The following SF3A3 variants were observed in gnomAD, a reference collection of about 807,000 sequenced individuals.
SF3A3 encodes the protein SAP 61.
Under a neutral mutation model 85.8 loss-of-function variants are expected in SF3A3, and 9 were observed. The ratio of observed to expected loss-of-function variants is 0.10; its 90% confidence interval spans 0.06 to 0.18. The LOEUF (loss-of-function observed/expected upper bound fraction) is 0.18. Ranked by LOEUF, SF3A3 falls within the 10% of genes least tolerant of loss-of-function variation. The probability of loss-of-function intolerance (pLI) is 1.00; values close to 1 mark genes in which losing one functional copy is unlikely to be tolerated. For missense variants in SF3A3, 306 were observed against 593.3 expected (o/e 0.52, Z 5.03); for synonymous variants, 195 against 204.4 (o/e 0.95, Z 0.39).
chr1:37,987,941 A>G, intron 2 of SF3A3, 105 bp from the exon 3 acceptor site: 1 of 872,626 alleles, frequency 1.1e-6, no homozygotes, highest in Non-Finnish European at 2.0e-6. Context: ...ACCTCAAGAG[A>G]CATGGATATG....
At position 37,969,857 on chromosome 1, in the gene SF3A3, A is replaced by G. The variant is rs549624061; in HGVS notation, c.1006-122T>C. ...CCAAGGATAAGGTTCTTTCTTACAGAATAAAGGAAAATCTTGCCTTCATAT... is the reference window on the plus strand; with the variant it reads ...CCAAGGATAAGGTTCTTTCTTACAGGATAAAGGAAAATCTTGCCTTCATAT... On this transcript the variant is annotated intron_variant, in intron 12 of 16. Coordinates refer to ENST00000373019, the MANE Select transcript of SF3A3 (RefSeq NM_006802.4). The G allele has an allele frequency of 5.7e-6, 6 of 1,061,318 alleles. No homozygotes were observed. In the African/African-American group the frequency reaches 9.6e-5, roughly 17 times the overall value. The allele number at this position is 1,061,318 out of a possible 1,614,324, so 65.7% of individuals were successfully genotyped here.
intron 15 of SF3A3, among the ~76,000 whole-genome samples, chr1:37,964,463 C>A (rs1029049040): frequency 3.3e-5 from 5 of 151,576 alleles, no homozygotes; most frequent in African/African-American, 1.2e-4. Flanking sequence ...AAAAATTAGC[C>A]AGGCGTGGTG....
intron 12 of SF3A3, among the ~76,000 whole-genome samples, chr1:37,973,931 G>A (rs1200226429): frequency 6.6e-6 from 1 of 152,170 alleles, no homozygotes; most frequent in African/African-American, 2.4e-5. Flanking sequence ...GTCCTTTGTA[G>A]GGACATGGAT....
intron 9 of SF3A3, 87 bp downstream of exon 9, chr1:37,979,378 A>G: frequency 9.6e-7 from 1 of 1,043,274 alleles, no homozygotes; most frequent in Non-Finnish European, 1.4e-6. Flanking sequence ...TTATCACAAC[A>G]CAACCATGGT....
chr1:37,983,618 T>C (rs1010282229), intron 6 of SF3A3, among the ~76,000 whole-genome samples: 4 of 84,254 alleles, frequency 4.7e-5, no homozygotes, highest in African/African-American at 5.1e-5. Flanking sequence ...AGATTTATTT[T>C]GGCAAAGGTA....
At position 37,984,773 on chromosome 1, in the gene SF3A3, C is replaced by T; in HGVS notation, c.310G>A (p.Val104Met). 1 of 1,613,600 alleles carries T rather than the reference C, an allele frequency of 6.2e-7. No individual in the cohort carries two copies. Among genetic ancestry groups the T allele is most frequent in the Non-Finnish European group, 8.5e-7 (1 of 1,179,508 alleles). Residue 104 changes from valine to methionine, a missense_variant, in exon 5 of 17, where the codon GTG (valine) becomes ATG (methionine). Transcript: ENST00000373019. ...FHRKHPNEIC[V>M]PMSVEFEELL... The stretch of plus-strand genomic sequence containing the variant: ...TCCTCAAATTCCACTGACATTGGCA[C>T]ACAGATCTGAGGGGAAAAGTAAAAG...
intron 7 of SF3A3, 28 bp downstream of exon 7, chr1:37,981,701 G>A (rs757602709): frequency 7.0e-6 from 9 of 1,293,766 alleles, no homozygotes; most frequent in Non-Finnish European, 8.9e-6. Context: ...TCAAATCCAG[G>A]AGAGGCCTAG....
intron 2 of SF3A3, 85 bp from the exon 3 acceptor site, chr1:37,987,921 G>T: frequency 9.1e-7 from 1 of 1,093,478 alleles, no homozygotes; most frequent in Non-Finnish European, 1.4e-6. Flanking sequence ...TCCAGTCAAA[G>T]CCCAGGGCAA....
At chr1:37,978,599 T>C (rs750316107) in intron 11 of SF3A3, 121 bp downstream of exon 11, 34 of 630,852 alleles carry the variant, frequency 5.4e-5, no homozygotes, top group Non-Finnish European at 7.9e-5. Context: ...AAGAGCAGAC[T>C]GGATCTCTGT....
chr1:37,977,063 G>A, intron 11 of SF3A3, 110 bp from the exon 12 acceptor site: 2 of 762,540 alleles, frequency 2.6e-6, no homozygotes, highest in Non-Finnish European at 2.3e-6. Flanking sequence ...ATAAGCACAT[G>A]AGAAATACGA....
intron 12 of SF3A3, among the ~76,000 whole-genome samples, chr1:37,974,274 T>C (rs1646364033): frequency 6.6e-6 from 1 of 150,430 alleles, no homozygotes. Context: ...GACTTTCTTC[T>C]CCTTTCCTCA....
At chr1:37,965,579 C>T (rs1036059758) in intron 15 of SF3A3, among the ~76,000 whole-genome samples, 2 of 151,998 alleles carry the variant, frequency 1.3e-5, no homozygotes, top group African/African-American at 2.4e-5. Flanking sequence ...CATGGTGACA[C>T]ACCATCTTTA....
intron 15 of SF3A3, among the ~76,000 whole-genome samples, chr1:37,964,913 C>A (rs919606799): frequency 6.6e-6 from 1 of 152,096 alleles, no homozygotes; most frequent in Non-Finnish European, 1.5e-5. Context: ...AATCCTAGCA[C>A]TTTGGGAGGC....
At chr1:37,983,568 C>G (rs1646434727) in intron 6 of SF3A3, among the ~76,000 whole-genome samples, 1 of 66,960 alleles carries the variant, frequency 1.5e-5, no homozygotes, top group Non-Finnish European at 2.5e-5. Flanking sequence ...GCCTGGGTGA[C>G]AAAGTGAGAC....
intron 15 of SF3A3, among the ~76,000 whole-genome samples, chr1:37,963,757 T>C (rs1235510646): frequency 6.7e-6 from 1 of 149,792 alleles, no homozygotes; most frequent in Non-Finnish European, 1.5e-5. Flanking sequence ...GGGGTTTCAC[T>C]GTGTGAGCTA....
intron 3 of SF3A3, 34 bp downstream of exon 3, chr1:37,987,750 A>C (rs766107731): frequency 1.2e-6 from 2 of 1,606,702 alleles, no homozygotes; most frequent in South Asian, 2.2e-5. Flanking sequence ...CCTCAGAAGC[A>C]CTAACTCCTG....
intron 14 of SF3A3, among the ~76,000 whole-genome samples, chr1:37,968,944 T>C (rs982544329): frequency 6.6e-6 from 1 of 152,192 alleles, no homozygotes; most frequent in African/African-American, 2.4e-5. Flanking sequence ...AGCCCCTTCA[T>C]TTTTTATTTT....
chr1:37,975,834 C>T (rs957921147), intron 12 of SF3A3, among the ~76,000 whole-genome samples: 1 of 152,126 alleles, frequency 6.6e-6, no homozygotes, highest in Non-Finnish European at 1.5e-5. Flanking sequence ...ACGGACCATG[C>T]GAGTATGTGT....
chr1:37,983,869 C>T (rs1172451827), intron 6 of SF3A3, among the ~76,000 whole-genome samples: 2 of 151,684 alleles, frequency 1.3e-5, no homozygotes, highest in Admixed American at 6.6e-5. Context: ...GCCCAGAAGT[C>T]GAGGTTGCAG....
Sources: allele counts gnomAD v4.1 joint callset (sites outside exome capture counted in the v4.1 genomes callset), GRCh38; gene constraint gnomAD v4.1.1; transcripts MANE v1.5; gene names NCBI Gene and HGNC (gene_info 2026-07-23, HGNC 2026-07-21).